Variants in TDRD12 observed in about 807,000 individuals in gnomAD.
TDRD12 encodes tudor domain containing 12.
A neutral mutation model predicts 133.5 loss-of-function variants in TDRD12; 158 were observed. The observed-to-expected ratio is 1.18, with a 90% CI of 1.04 to 1.35. TDRD12 has a LOEUF of 1.35. TDRD12 is among the 40% of genes most tolerant of loss of function. The pLI is 0.00. For synonymous variants in TDRD12, 460 were observed against 477.9 expected (o/e 0.96, Z 0.49); for missense variants, 1,443 against 1,321.3 (o/e 1.09, Z -1.43).
chr19:32,764,856 A>G (rs556313502), intron 8 of TDRD12, among the ~76,000 whole-genome samples: 1 of 152,322 alleles, frequency 6.6e-6, no homozygotes, highest in Admixed American at 6.5e-5. Context: ...AAACACCAAA[A>G]GCAATGGCAA....
At chr19:32,737,842 T>A (rs185359063) in intron 2 of TDRD12, among the ~76,000 whole-genome samples, 198 of 151,922 alleles carry the variant, frequency 1.3e-3, no homozygotes, top group African/African-American at 4.4e-3. Flanking sequence ...CCAATAAGAG[T>A]CATGGGGAGG....
exon 9 of TDRD12, chr19:32,826,597 G>A: frequency 1.6e-6 from 2 of 1,237,520 alleles, no homozygotes; most frequent in South Asian, 4.0e-5. Flanking sequence ...CTCAGACAGA[G>A]GGTGAGTTGG....
chr19:32,753,501 C>A (rs915580110), intron 6 of TDRD12, among the ~76,000 whole-genome samples: 1 of 151,722 alleles, frequency 6.6e-6, no homozygotes, highest in African/African-American at 2.4e-5. Context: ...CCATGCCTGG[C>A]CTCTTATTCT....
At chr19:32,758,970 G>A (rs192091438) in intron 8 of TDRD12, among the ~76,000 whole-genome samples, 259 of 151,852 alleles carry the variant, frequency 1.7e-3, no homozygotes, top group Non-Finnish European at 3.1e-3. Context: ...GGCTGGGCAC[G>A]GTGGCTCATG....
chr19:32,779,371 T>A (rs1414846854), intron 11 of TDRD12, among the ~76,000 whole-genome samples: 1 of 152,196 alleles, frequency 6.6e-6, no homozygotes, highest in African/African-American at 2.4e-5. Flanking sequence ...GCGGTTGTAT[T>A]TCTTTCTCCT....
At chr19:32,728,127 C>T (rs757577890) in intron 1 of TDRD12, among the ~76,000 whole-genome samples, 8 of 152,144 alleles carry the variant, frequency 5.3e-5, no homozygotes, top group Non-Finnish European at 7.3e-5. Flanking sequence ...GTCTATATGT[C>T]TGTCTTTATT....
chr19:32,738,060 C>T (rs1217154164), intron 2 of TDRD12, among the ~76,000 whole-genome samples: 1 of 151,826 alleles, frequency 6.6e-6, no homozygotes, highest in Admixed American at 6.6e-5. Flanking sequence ...TCGCTTGAGC[C>T]CGGGAGGTGG....
Position 32,742,926 on chromosome 19 carries a change from GA to G in TDRD12, c.440+28del, listed in dbSNP as rs756692191. The stretch of plus-strand genomic sequence containing the variant: ...GTAAGTACAGTTTCTTAAGTCCTTC[GA>G]ATCATTAGTAAAAGCCTTCTATCAA... On this transcript the variant is annotated intron_variant, in intron 4 of 27. Transcript: ENST00000444215. 1.3e-5 allele frequency: 20 copies of G among 1,547,948 alleles called. No individual in the cohort carries two copies. In the South Asian group the frequency reaches 2.3e-4, roughly 18 times the overall value.
chr19:32,720,071 G>A, exon 1 of TDRD12: 2 of 1,548,518 alleles, frequency 1.3e-6, no homozygotes, highest in Middle Eastern at 3.5e-4. Context: ...GGCGCCAGGA[G>A]GATGCTCCAG....
chr19:32,784,890 CT>C (rs1316430825), intron 11 of TDRD12, among the ~76,000 whole-genome samples: 1 of 151,944 alleles, frequency 6.6e-6, no homozygotes, highest in African/African-American at 2.4e-5. Flanking sequence ...CTTTATTAGT[CT>C]TGCTAGTGGT....
intron 26 of TDRD12, among the ~76,000 whole-genome samples, chr19:32,816,465 A>C (rs1967184586): frequency 6.6e-6 from 1 of 152,236 alleles, no homozygotes; most frequent in Non-Finnish European, 1.5e-5. Context: ...AGGAGGCATA[A>C]ATTCTCTAAA....
intron 14 of TDRD12, 145 bp from the exon 15 acceptor site, chr19:32,797,590 A>G (rs1387771370): frequency 1.4e-5 from 7 of 503,134 alleles, no homozygotes; most frequent in African/African-American, 2.0e-5. Flanking sequence ...ATGAAATTAT[A>G]TCGTCACTTT....
chr19:32,776,391 G>C (rs1226163587), intron 10 of TDRD12, among the ~76,000 whole-genome samples: 1 of 152,214 alleles, frequency 6.6e-6, no homozygotes, highest in South Asian at 2.1e-4. Flanking sequence ...GTTGCTGGGT[G>C]CAGCCCCAAG....
intron 8 of TDRD12, among the ~76,000 whole-genome samples, chr19:32,767,284 A>G (rs1273409102): frequency 2.0e-5 from 3 of 151,586 alleles, no homozygotes; most frequent in Non-Finnish European, 4.4e-5. Flanking sequence ...GTGCACCACT[A>G]TGCCCGGCTA....
chr19:32,814,112 G>A (rs1474743177), intron 25 of TDRD12, among the ~76,000 whole-genome samples: 2 of 152,152 alleles, frequency 1.3e-5, no homozygotes, highest in Admixed American at 6.6e-5. Flanking sequence ...CATTCACCAC[G>A]CACTTAACTG....
intron 4 of TDRD12, among the ~76,000 whole-genome samples, chr19:32,745,089 C>T (rs79671486): frequency 5.3e-5 from 8 of 152,354 alleles, no homozygotes; most frequent in Admixed American, 3.9e-4. Context: ...CACTACTCAC[C>T]GAAGGCTCTG....
intron 2 of TDRD12, 117 bp downstream of exon 2, chr19:32,732,000 G>A (rs1397814886): frequency 4.6e-6 from 5 of 1,076,374 alleles, no homozygotes; most frequent in Non-Finnish European, 5.1e-6. Context: ...TACACTCAGT[G>A]CCTTGTGTTA....
chr19:32,729,030 A>G (rs1305793416), intron 1 of TDRD12, among the ~76,000 whole-genome samples: 1 of 150,008 alleles, frequency 6.7e-6, no homozygotes, highest in Non-Finnish European at 1.5e-5. Flanking sequence ...ATAAATAGAT[A>G]CATATCTATA....
chr19:32,803,133 G>A, exon 21 of TDRD12: 3 of 1,515,374 alleles, frequency 2.0e-6, no homozygotes, highest in Non-Finnish European at 2.6e-6. Context: ...AAGGCTTTTG[G>A]TTTTTGCAAG....
Sources: allele counts gnomAD v4.1 joint callset (sites outside exome capture counted in the v4.1 genomes callset), GRCh38; gene constraint gnomAD v4.1.1; transcripts MANE v1.5; gene names NCBI Gene and HGNC (gene_info 2026-07-23, HGNC 2026-07-21).